The following GRIK1 variants were observed in gnomAD, a reference collection of about 807,000 sequenced individuals.
GRIK1 encodes the protein glutamate receptor ionotropic, kainate 1.
GRIK1 carries 69 observed loss-of-function variants against 105.7 expected under a neutral mutation model. The observed-to-expected ratio is 0.65, with a 90% CI of 0.54 to 0.80. GRIK1 has a LOEUF of 0.80. GRIK1 is among the 30% of genes least tolerant of loss of function. GRIK1 has a pLI of 0.00. For synonymous variants in GRIK1, 438 were observed against 431.3 expected (o/e 1.02, Z -0.19); for missense variants, 1,109 against 1,167.3 (o/e 0.95, Z 0.73).
At chr21:29,896,861 C>A (rs761069386) in intron 1 of GRIK1, among the ~76,000 whole-genome samples, 1 of 152,150 alleles carries the variant, frequency 6.6e-6, no homozygotes, top group Non-Finnish European at 1.5e-5. Flanking sequence ...GCTCTGTAAA[C>A]GTGAGCAACC....
At chr21:29,795,028 ATTTTTT>A (rs66697777) in intron 1 of GRIK1, among the ~76,000 whole-genome samples, 1 of 85,230 alleles carries the variant, frequency 1.2e-5, no homozygotes. Context: ...TTTGCTCTAA[ATTTTTT>A]TTTTTTTTTT....
chr21:29,662,855 T>A (rs1217994136), intron 4 of GRIK1, among the ~76,000 whole-genome samples: 2 of 152,280 alleles, frequency 1.3e-5, no homozygotes, highest in South Asian at 2.1e-4. Context: ...CTGAGCCTCA[T>A]TCCTAAATAT....
chr21:29,928,404 G>A (rs2071456251), intron 1 of GRIK1, among the ~76,000 whole-genome samples: 1 of 152,182 alleles, frequency 6.6e-6, no homozygotes, highest in Non-Finnish European at 1.5e-5. Flanking sequence ...GAAACCTGGA[G>A]TCATGGTAGG....
At chr21:29,888,945 C>T (rs1226463774) in intron 1 of GRIK1, among the ~76,000 whole-genome samples, 1 of 152,126 alleles carries the variant, frequency 6.6e-6, no homozygotes, top group Non-Finnish European at 1.5e-5. Flanking sequence ...AATATTCCAT[C>T]CTGTTTTTTT....
At position 29,689,722 on chromosome 21, in the gene GRIK1, C is replaced by T. The variant is rs1327891577; in HGVS notation, c.544+6G>A. ...GGTCGGGTGAGGTCTTGTGTGAGTC[C>T]CATACCTGTGCTGTCTTCATACACC... On this transcript the variant is annotated splice_donor_region_variant and intron_variant, in intron 3 of 17. Coordinates refer to ENST00000327783, the MANE Select transcript of GRIK1 (RefSeq NM_001330994.2). The T allele has an allele frequency of 1.2e-6, 2 of 1,613,408 alleles. No homozygotes were observed. The highest frequency in any genetic ancestry group is 2.2e-5 in the South Asian group (2 of 91,034).
chr21:29,632,033 G>A (rs2062287213), intron 7 of GRIK1, among the ~76,000 whole-genome samples: 1 of 152,092 alleles, frequency 6.6e-6, no homozygotes, highest in Admixed American at 6.5e-5. Flanking sequence ...GATTGGACAA[G>A]TACACTGATG....
At chr21:29,543,556 G>T (rs115827175) in intron 16 of GRIK1, among the ~76,000 whole-genome samples, 5 of 152,096 alleles carry the variant, frequency 3.3e-5, no homozygotes, top group African/African-American at 7.2e-5. Context: ...TTTTCTGAGC[G>T]CATTCACAAC....
chr21:29,555,604 C>G (rs1809312573), intron 15 of GRIK1, among the ~76,000 whole-genome samples: 1 of 152,106 alleles, frequency 6.6e-6, no homozygotes, highest in South Asian at 2.1e-4. Context: ...CATTATGAGT[C>G]TTTTCACATG....
At chr21:29,930,376 A>G (rs2071525804) in intron 1 of GRIK1, among the ~76,000 whole-genome samples, 1 of 152,198 alleles carries the variant, frequency 6.6e-6, no homozygotes, top group East Asian at 1.9e-4. Flanking sequence ...AATTTAGGAA[A>G]AAAGAAAACC....
intron 1 of GRIK1, among the ~76,000 whole-genome samples, chr21:29,909,526 T>A (rs460115): frequency 0.3 from 45,845 of 151,862 alleles, 10,035 homozygotes; most frequent in African/African-American, 0.62. Context: ...ATAAGGCAAC[T>A]CTATACTCAT....
chr21:29,561,407 T>C (rs1240786560), intron 15 of GRIK1, among the ~76,000 whole-genome samples: 3 of 152,204 alleles, frequency 2.0e-5, no homozygotes, highest in African/African-American at 7.2e-5. Flanking sequence ...TTGGTAAAAC[T>C]TGAAAGACAC....
At chr21:29,640,077 T>C (rs1374021180) in intron 7 of GRIK1, among the ~76,000 whole-genome samples, 1 of 151,736 alleles carries the variant, frequency 6.6e-6, no homozygotes, top group Non-Finnish European at 1.5e-5. Flanking sequence ...CTTCACCCCA[T>C]AAATTCAATC....
intron 1 of GRIK1, among the ~76,000 whole-genome samples, chr21:29,906,564 C>T (rs459431): frequency 0.3 from 45,932 of 151,908 alleles, 10,047 homozygotes; most frequent in African/African-American, 0.62. Flanking sequence ...TATATGTTTG[C>T]TTTACATTTT....
chr21:29,765,598 T>C (rs539158506), intron 1 of GRIK1, among the ~76,000 whole-genome samples: 71 of 152,186 alleles, frequency 4.7e-4, no homozygotes, highest in African/African-American at 1.6e-3. Flanking sequence ...TGAGAGGGCC[T>C]TTAGGGAAAG....
intron 1 of GRIK1, among the ~76,000 whole-genome samples, chr21:29,744,715 T>A (rs1435161757): frequency 6.6e-6 from 1 of 152,230 alleles, no homozygotes; most frequent in Non-Finnish European, 1.5e-5. Context: ...GTTCTTTCCA[T>A]GTACTCCTAT....
At chr21:29,818,105 A>C (rs2067201669) in intron 1 of GRIK1, among the ~76,000 whole-genome samples, 1 of 152,096 alleles carries the variant, frequency 6.6e-6, no homozygotes. Flanking sequence ...CATTCTAAGG[A>C]TGGAAATTTA....
chr21:29,699,936 A>G (rs961559317), intron 1 of GRIK1, among the ~76,000 whole-genome samples: 31 of 152,194 alleles, frequency 2.0e-4, no homozygotes, highest in Non-Finnish European at 3.5e-4. Flanking sequence ...GGCGTGAGCC[A>G]CCGTGCCCAG....
intron 1 of GRIK1, among the ~76,000 whole-genome samples, chr21:29,722,008 TGAAAG>T (rs1324432505): frequency 1.3e-5 from 2 of 152,162 alleles, no homozygotes; most frequent in Non-Finnish European, 2.9e-5. Context: ...TTCCTGTCGA[TGAAAG>T]GAAGAAAATT....
intron 1 of GRIK1, 98 bp from the exon 2 acceptor site, chr21:29,694,161 G>A (rs1018832623): frequency 2.1e-5 from 16 of 778,722 alleles, no homozygotes; most frequent in Middle Eastern, 3.5e-4. Context: ...GTCTCGCTCT[G>A]TCACCCAGAC....
Sources: gnomAD v4.1 joint callset for allele counts (sites outside exome capture counted in the v4.1 genomes callset) on GRCh38, gnomAD v4.1.1 for gene constraint, MANE v1.5 for transcripts, NCBI Gene and HGNC (gene_info 2026-07-23, HGNC 2026-07-21) for gene names.